Variants in KHDRBS2 observed in about 807,000 individuals in gnomAD.
KHDRBS2 encodes KH domain-containing, RNA-binding, signal transduction-associated protein 2.
In KHDRBS2, 26 loss-of-function variants were observed where a neutral mutation model predicts 44.3. The observed-to-expected ratio is 0.59, with a 90% CI of 0.43 to 0.81. KHDRBS2 has a LOEUF of 0.81. Among genes scored for constraint, KHDRBS2 ranks in the 40% least tolerant of loss-of-function variants. The pLI is 0.00. For synonymous variants in KHDRBS2, 194 were observed against 151.1 expected (o/e 1.28, Z -2.08); for missense variants, 476 against 433.1 (o/e 1.10, Z -0.88).
chr6:61,804,621 C>A (rs1230357986), intron 6 of KHDRBS2, among the ~76,000 whole-genome samples: 1 of 152,224 alleles, frequency 6.6e-6, no homozygotes, highest in Non-Finnish European at 1.5e-5. Flanking sequence ...CATACATCCT[C>A]TGAAATGTAG....
the KHDRBS2 span, among the ~76,000 whole-genome samples, chr6:61,634,115 T>C: frequency 5.3e-5 from 8 of 152,040 alleles, no homozygotes; most frequent in African/African-American, 1.9e-4. Context: ...TTGTTTTTTA[T>C]TTAGTTCAAT....
chr6:62,105,194 C>T (rs1802885504), intron 2 of KHDRBS2, among the ~76,000 whole-genome samples: 2 of 152,026 alleles, frequency 1.3e-5, no homozygotes, highest in Admixed American at 1.3e-4. Context: ...CTATCAAACA[C>T]TTAAAATAGA....
chr6:61,892,068 T>C (rs1801944581), intron 6 of KHDRBS2, among the ~76,000 whole-genome samples: 2 of 152,130 alleles, frequency 1.3e-5, no homozygotes, highest in African/African-American at 4.8e-5. Context: ...AGATACAAAA[T>C]CAATGTGCAA....
intron 2 of KHDRBS2, among the ~76,000 whole-genome samples, chr6:62,123,835 C>T (rs1808305157): frequency 2.0e-5 from 3 of 152,090 alleles, no homozygotes; most frequent in Admixed American, 6.6e-5. Context: ...AATATTGCTC[C>T]TTTTGTTGTT....
chr6:61,820,575 C>T (rs1290321157), intron 6 of KHDRBS2, among the ~76,000 whole-genome samples: 1 of 151,990 alleles, frequency 6.6e-6, no homozygotes, highest in Non-Finnish European at 1.5e-5. Flanking sequence ...TCTGGAAAAT[C>T]AATTTAGAAT....
the KHDRBS2 span, among the ~76,000 whole-genome samples, chr6:61,562,346 T>C: frequency 6.6e-6 from 1 of 152,186 alleles, no homozygotes; most frequent in South Asian, 2.1e-4. Flanking sequence ...ATATCTCTGT[T>C]ATGATCCTTT....
intron 7 of KHDRBS2, among the ~76,000 whole-genome samples, chr6:61,730,392 T>G (rs1477259822): frequency 6.6e-6 from 1 of 152,116 alleles, no homozygotes; most frequent in African/African-American, 2.4e-5. Context: ...AGGCTCGACA[T>G]TCACATACTC....
chr6:61,940,298 C>T (rs1406563027), intron 4 of KHDRBS2, among the ~76,000 whole-genome samples: 3 of 151,776 alleles, frequency 2.0e-5, no homozygotes, highest in Non-Finnish European at 4.4e-5. Flanking sequence ...ACAAGGAGAT[C>T]AGCTGGAAGC....
intron 2 of KHDRBS2, among the ~76,000 whole-genome samples, chr6:62,172,186 C>T (rs1370436513): frequency 6.6e-6 from 1 of 152,108 alleles, no homozygotes; most frequent in Non-Finnish European, 1.5e-5. Flanking sequence ...AGACCCATCT[C>T]ACATGCAATG....
chr6:61,958,942 C>G (rs781435649), intron 4 of KHDRBS2, among the ~76,000 whole-genome samples: 2 of 152,122 alleles, frequency 1.3e-5, no homozygotes, highest in Admixed American at 6.6e-5. Flanking sequence ...ACTTAGATTG[C>G]TGTGGTCAGT....
the KHDRBS2 span, among the ~76,000 whole-genome samples, chr6:61,585,274 C>CA: frequency 9.3e-5 from 14 of 151,324 alleles, no homozygotes; most frequent in South Asian, 2.1e-4. Flanking sequence ...AAAAAGTCCT[C>CA]AAAAAAAAGA....
the KHDRBS2 span, among the ~76,000 whole-genome samples, chr6:61,617,569 G>A: frequency 6.6e-6 from 1 of 152,074 alleles, no homozygotes; most frequent in African/African-American, 2.4e-5. Flanking sequence ...AGAATTAAAT[G>A]TTAAAATACA....
At chr6:62,099,606 C>A (rs1485169228) in intron 2 of KHDRBS2, among the ~76,000 whole-genome samples, 1 of 152,138 alleles carries the variant, frequency 6.6e-6, no homozygotes, top group East Asian at 1.9e-4. Context: ...CCATGCTGGA[C>A]CTCCCTGGTG....
At chr6:61,561,017 TGCATTCTTATCTGTATTAGGTAG>T in the KHDRBS2 span, among the ~76,000 whole-genome samples, 1 of 152,174 alleles carries the variant, frequency 6.6e-6, no homozygotes, top group African/African-American at 2.4e-5. Context: ...TTTTGGGCAC[TGCATTCTTATCTGTATTAGGTAG>T]GCACCCCAAA....
rs548038556 is a variant in KHDRBS2 at position 61,968,910 on chromosome 6, T to C, written c.483+9156A>G. On this transcript the variant is annotated intron_variant, in intron 4 of 8. Coordinates refer to ENST00000281156, the MANE Select transcript of KHDRBS2 (RefSeq NM_152688.4). Reference sequence around the variant, plus strand: ...TAACCCTCTTTGGAGCTCTGTGGCTTCTGAGAATTCTTTAGAGGATTGACA... The same window carrying C: ...TAACCCTCTTTGGAGCTCTGTGGCTCCTGAGAATTCTTTAGAGGATTGACA... Among the ~76,000 whole-genome samples, 5 of 152,130 alleles carry C rather than the reference T, an allele frequency of 3.3e-5. No homozygotes were observed. The East Asian group carries it at 5.8e-4, about 18-fold the overall frequency.
chr6:61,720,675 T>G (rs1485628864), intron 7 of KHDRBS2, among the ~76,000 whole-genome samples: 4 of 152,244 alleles, frequency 2.6e-5, no homozygotes, highest in African/African-American at 9.6e-5. Context: ...ATTCTGGATA[T>G]TAGCCCTTTG....
intron 6 of KHDRBS2, among the ~76,000 whole-genome samples, chr6:61,863,347 C>T (rs1222313513): frequency 6.7e-6 from 1 of 150,164 alleles, no homozygotes; most frequent in Admixed American, 6.7e-5. Flanking sequence ...GGTGCCTTTG[C>T]ACTTGGTTCT....
At chr6:61,896,780 T>C (rs1353330928) in intron 5 of KHDRBS2, among the ~76,000 whole-genome samples, 1 of 152,212 alleles carries the variant, frequency 6.6e-6, no homozygotes, top group African/African-American at 2.4e-5. Context: ...ACCCCTCTGT[T>C]GAAAATGCTC....
At chr6:62,159,897 G>T (rs969827534) in intron 2 of KHDRBS2, among the ~76,000 whole-genome samples, 3 of 152,152 alleles carry the variant, frequency 2.0e-5, no homozygotes, top group Non-Finnish European at 4.4e-5. Context: ...TGAGGAAAAG[G>T]TTGAAGAGGT....
Sources: allele counts gnomAD v4.1 joint callset (sites outside exome capture counted in the v4.1 genomes callset), GRCh38; gene constraint gnomAD v4.1.1; transcripts MANE v1.5; gene names NCBI Gene and HGNC (gene_info 2026-07-23, HGNC 2026-07-21).